The following ZNF695 variants were observed in gnomAD, a reference collection of about 807,000 sequenced individuals.
ZNF695 encodes zinc finger protein 695.
A neutral mutation model predicts 11.2 loss-of-function variants in ZNF695; 11 were observed. That is an observed-to-expected ratio of 0.98 (90% CI 0.62 to 1.62). The LOEUF (loss-of-function observed/expected upper bound fraction) is 1.62, where lower values mean the gene tolerates loss of function less well. ZNF695 is among the 40% of genes most tolerant of loss of function. The pLI is 0.00. For synonymous variants in ZNF695, 190 were observed against 201.4 expected, an observed-to-expected ratio of 0.94 and a Z score of 0.48; for missense variants, 559 against 590.5, an observed-to-expected ratio of 0.95 and a Z score of 0.55.
intron 5 of ZNF695, among the ~76,000 whole-genome samples, chr1:246,954,866 T>C (rs1010504261): frequency 1.3e-5 from 2 of 152,200 alleles, no homozygotes; most frequent in African/African-American, 4.8e-5. Context: ...GAGAAAATCA[T>C]TGAGTGTACT....
chr1:246,993,745 C>T (rs1191263835), intron 3 of ZNF695, among the ~76,000 whole-genome samples: 2 of 152,014 alleles, frequency 1.3e-5, no homozygotes, highest in African/African-American at 4.8e-5. Flanking sequence ...AATAAGAACA[C>T]AGACAACTAA....
intron 4 of ZNF695, among the ~76,000 whole-genome samples, chr1:246,980,321 T>C (rs1668674680): frequency 6.6e-6 from 1 of 152,006 alleles, no homozygotes; most frequent in South Asian, 2.1e-4. Context: ...GTTATAGACC[T>C]GTACTATTTG....
intron 3 of ZNF695, among the ~76,000 whole-genome samples, chr1:246,995,167 G>T (rs538214506): frequency 1.3e-5 from 2 of 152,198 alleles, no homozygotes; most frequent in African/African-American, 4.8e-5. Flanking sequence ...CAGACCACCT[G>T]TCAGGCCACA....
chr1:246,999,481 T>C (rs1456526103), intron 2 of ZNF695, 41 bp from the exon 3 acceptor site: 1 of 1,501,810 alleles, frequency 6.7e-7, no homozygotes, highest in Admixed American at 1.7e-5. Context: ...TTGCAGGGAT[T>C]CTTTAATCAC....
chr1:246,959,146 G>T (rs1393741072), intron 5 of ZNF695, among the ~76,000 whole-genome samples: 4 of 149,980 alleles, frequency 2.7e-5, no homozygotes, highest in African/African-American at 9.8e-5. Flanking sequence ...AATTAGCCGG[G>T]CATGTACCTG....
chr1:246,986,875 G>T lies in ZNF695; in HGVS notation c.*92C>A. ...TGGCCTTTTGACAGTCATTACATTTGTAACACTCTTATTCAGTAAAAATAT... is the reference window on the plus strand; with the variant it reads ...TGGCCTTTTGACAGTCATTACATTTTTAACACTCTTATTCAGTAAAAATAT... On this transcript the variant is annotated 3_prime_UTR_variant, in exon 4 of 4. Coordinates refer to ENST00000339986, the MANE Select transcript of ZNF695 (RefSeq NM_020394.5). 6.8e-7 allele frequency: 1 copy of T among 1,475,458 alleles called. No homozygotes were observed. The highest frequency in any genetic ancestry group is 9.0e-7 in the Non-Finnish European group (1 of 1,114,952). 91.4% of individuals were successfully genotyped at this position (1,475,458 alleles called of 1,614,324 possible).
Position 246,999,970 on chromosome 1 carries a change from G to C in ZNF695, c.108C>G (p.Asn36Lys). 6.2e-7 allele frequency: 1 copy of C among 1,614,148 alleles called. No homozygotes were observed. Among genetic ancestry groups the C allele is most frequent in the East Asian group, 2.2e-5 (1 of 44,882 alleles). ...RSLYRDVMLE[N>K]YRNLISLGED... is the part of the protein sequence containing the mutation. Reference sequence around the variant, plus strand: ...CACCAAGGGAGATCAGGTTTCTGTAGTTCTCTAACATCACATCCCTATACA... The same window carrying C: ...CACCAAGGGAGATCAGGTTTCTGTACTTCTCTAACATCACATCCCTATACA... Residue 36 changes from asparagine (N) to lysine (K), a missense_variant, in exon 2 of 4, where the codon AAC (asparagine) becomes AAG (lysine). Asn to Lys is a moderately conservative substitution (Grantham distance 94). Coordinates refer to ENST00000339986, the MANE Select transcript of ZNF695 (RefSeq NM_020394.5).
At chr1:246,996,287 G>T in intron 3 of ZNF695, 1 of 256,644 alleles carries the variant, frequency 3.9e-6, no homozygotes, top group South Asian at 3.7e-5. Context: ...TCTGGAAGGT[G>T]GAGGCTGCAG....
intron 1 of ZNF695, among the ~76,000 whole-genome samples, chr1:247,006,563 T>A (rs1046407279): frequency 6.6e-6 from 1 of 152,216 alleles, no homozygotes; most frequent in Admixed American, 6.5e-5. Flanking sequence ...TGAGCCCAGA[T>A]TGTGCCACTG....
chr1:246,973,135 C>T (rs1414235922), intron 4 of ZNF695, among the ~76,000 whole-genome samples: 1 of 151,828 alleles, frequency 6.6e-6, no homozygotes, highest in Non-Finnish European at 1.5e-5. Context: ...ACGCAACCTC[C>T]ACCTCCCAGG....
intron 5 of ZNF695, among the ~76,000 whole-genome samples, chr1:246,950,320 T>G (rs1441251025): frequency 6.6e-6 from 1 of 152,210 alleles, no homozygotes; most frequent in Non-Finnish European, 1.5e-5. Flanking sequence ...AGATTCAGAC[T>G]TGCCATTCTT....
intron 5 of ZNF695, among the ~76,000 whole-genome samples, chr1:246,959,351 A>ATATATG (rs1668105179): frequency 7.9e-6 from 1 of 126,762 alleles, no homozygotes; most frequent in African/African-American, 3.0e-5. Context: ...ATATATATAT[A>ATATATG]AAATCTCTTT....
intron 4 of ZNF695, among the ~76,000 whole-genome samples, chr1:246,980,160 C>T (rs1320450735): frequency 2.3e-5 from 2 of 87,414 alleles, no homozygotes. Context: ...GCCTGGACGA[C>T]AGCCTGGACT....
chr1:246,953,366 T>C (rs1457485816), intron 5 of ZNF695, among the ~76,000 whole-genome samples: 2 of 151,956 alleles, frequency 1.3e-5, no homozygotes, highest in Non-Finnish European at 2.9e-5. Flanking sequence ...CCCAGCACTT[T>C]AGGAGGCCGA....
In ZNF695 at chr1:246,976,724, G is replaced by A. The variant is rs188598611; in HGVS notation, c.391-8932C>T. Among the ~76,000 whole-genome samples, 427 of 152,226 alleles carry A rather than the reference G, an allele frequency of 2.8e-3. 2 individuals are homozygous for A. The highest frequency in any genetic ancestry group is 8.6e-3 in the African/African-American group (355 of 41,512). The stretch of plus-strand genomic sequence containing the variant: ...CAGAAGAATGGCATGAACCCGGGAG[G>A]CAGAGCTTGCAGTGTGCTGAGATCG... On this transcript the variant is annotated intron_variant, in intron 4 of 5. Coordinates refer to the ZNF695 transcript ENST00000487338.
intron 1 of ZNF695, among the ~76,000 whole-genome samples, chr1:247,002,804 C>T (rs1234861556): frequency 6.6e-6 from 1 of 151,068 alleles, no homozygotes; most frequent in African/African-American, 2.4e-5. Context: ...GGGGGGGCAG[C>T]AAAGGACTTG....
In ZNF695 at chr1:246,967,190, G is replaced by A. The variant is rs528315200; in HGVS notation, c.488+505C>T. On this transcript the variant is annotated intron_variant, in intron 5 of 5. Coordinates refer to the ZNF695 transcript ENST00000487338. ...CGACCTCAGGTGATCCGCCTGCCTC[G>A]GCCTCCCAAAGTGCTGGGATTACAG... is the stretch of plus-strand genomic sequence containing the variant. Among the ~76,000 whole-genome samples the A allele has an allele frequency of 2.0e-4, 30 of 152,176 alleles. No individual in the cohort carries two copies. In the South Asian group the frequency reaches 5.4e-3, roughly 27 times the overall value.
chr1:247,006,514 G>A (rs1008615643), intron 1 of ZNF695, among the ~76,000 whole-genome samples: 1 of 152,116 alleles, frequency 6.6e-6, no homozygotes, highest in African/African-American at 2.4e-5. Context: ...GGAGGCTGAC[G>A]CAGGAGAATC....
intron 4 of ZNF695, among the ~76,000 whole-genome samples, chr1:246,978,015 A>G (rs893319505): frequency 6.6e-6 from 1 of 152,226 alleles, no homozygotes; most frequent in African/African-American, 2.4e-5. Flanking sequence ...TAATTCAGAG[A>G]AGGCCAACCT....
Sources: gnomAD v4.1 joint callset for allele counts (sites outside exome capture counted in the v4.1 genomes callset) on GRCh38, gnomAD v4.1.1 for gene constraint, MANE v1.5 for transcripts, NCBI Gene and HGNC (gene_info 2026-07-23, HGNC 2026-07-21) for gene names.